The following DHX40 variants were observed in gnomAD, a reference collection of about 807,000 sequenced individuals.
DHX40 encodes DEAH-box helicase 40.
DHX40 carries 28 observed loss-of-function variants against 89.6 expected under a neutral mutation model. The ratio of observed to expected loss-of-function variants is 0.31; its 90% CI spans 0.23 to 0.43. The LOEUF (loss-of-function observed/expected upper bound fraction) is 0.43, where lower values mean the gene tolerates loss of function less well. Among genes scored for constraint, DHX40 ranks in the 20% least tolerant of loss-of-function variants. The pLI, the probability that DHX40 is intolerant of heterozygous loss-of-function variation, is 1.00. For missense variants in DHX40, 457 were observed against 844.0 expected, an observed-to-expected ratio of 0.54 and a Z score of 5.68; for synonymous variants, 226 against 283.6, an observed-to-expected ratio of 0.80 and a Z score of 2.04.
rs751747695 is a variant in DHX40 at position 59,607,105 on chromosome 17, C to T, written c.2273C>T (p.Ala758Val). The change falls in exon 18 of 18, where the codon GCT becomes GTT. Residue 758 changes from alanine (A) to valine (V), a missense_variant. Physicochemically the swap from Ala to Val is moderately conservative, Grantham distance 64. This residue lies in a region of DHX40 where 120 missense variants were observed against 161.7 expected (regional missense o/e 0.74). Transcript: ENST00000251241. ...NDDKSISDAR[A>V]RFLERKQQRT... The stretch of plus-strand genomic sequence containing the variant: ...GACAAATCCATATCTGATGCACGGG[C>T]TCGTTTCCTTGAGAGAAAGCAGCAG... The T allele has an allele frequency of 6.2e-7, 1 of 1,614,020 alleles. No homozygotes were observed. Among genetic ancestry groups the T allele is most frequent in the Admixed American group, 1.7e-5 (1 of 59,996 alleles).
intron 12 of DHX40, among the ~76,000 whole-genome samples, chr17:59,594,950 T>TTTGACTAG (rs2029928204): frequency 1.3e-5 from 2 of 152,118 alleles, no homozygotes; most frequent in Non-Finnish European, 2.9e-5. Context: ...CTTTGGTAAT[T>TTTGACTAG]TTGACTAGTT....
At chr17:59,569,985 G>T (rs1378738533) in intron 2 of DHX40, among the ~76,000 whole-genome samples, 1 of 140,378 alleles carries the variant, frequency 7.1e-6, no homozygotes, top group Non-Finnish European at 1.5e-5. Flanking sequence ...CAGAGGTTGC[G>T]GTGAGCCGAG....
At chr17:59,588,313 C>G (rs2049031250) in intron 12 of DHX40, among the ~76,000 whole-genome samples, 1 of 148,896 alleles carries the variant, frequency 6.7e-6, no homozygotes, top group Non-Finnish European at 1.5e-5. Context: ...GTAGGAAGTA[C>G]AGAGGGTTGA....
intron 11 of DHX40, among the ~76,000 whole-genome samples, chr17:59,586,939 A>G (rs4047814): frequency 3.8e-4 from 58 of 152,154 alleles, no homozygotes; most frequent in African/African-American, 6.5e-4. Flanking sequence ...AGATTGCTTG[A>G]GCCCAGTTGT....
chr17:59,572,883 G>A (rs2048831170), intron 3 of DHX40, among the ~76,000 whole-genome samples: 1 of 152,088 alleles, frequency 6.6e-6, no homozygotes, highest in Non-Finnish European at 1.5e-5. Context: ...TTTCCTTATT[G>A]GTGATTTTTG....
At position 59,602,518 on chromosome 17, in the gene DHX40, A is replaced by G; in HGVS notation, c.1807-4A>G. ...TTACCACTCTCTACATATTCTTTTT[A>G]TAGCAAAGTGATTTCCCAAAAGAGA... On this transcript the variant is annotated splice_polypyrimidine_tract_variant and splice_region_variant and intron_variant, in intron 14 of 17. Coordinates refer to ENST00000251241, the MANE Select transcript of DHX40 (RefSeq NM_024612.5). The G allele has an allele frequency of 1.2e-6, 2 of 1,608,916 alleles. No homozygotes were observed. The highest frequency in any genetic ancestry group is 1.7e-6 in the Non-Finnish European group (2 of 1,176,506).
chr17:59,566,913 G>T, intron 2 of DHX40, 119 bp downstream of exon 2: 1 of 826,628 alleles, frequency 1.2e-6, no homozygotes, highest in Non-Finnish European at 1.8e-6. Flanking sequence ...CGCTTCTCTT[G>T]GCACACCCCC....
At chr17:59,577,845 A>G (rs973017407) in intron 8 of DHX40, among the ~76,000 whole-genome samples, 3 of 152,028 alleles carry the variant, frequency 2.0e-5, no homozygotes, top group African/African-American at 7.2e-5. Context: ...ATAGGAAGCC[A>G]AACCTATTTT....
intron 12 of DHX40, among the ~76,000 whole-genome samples, chr17:59,591,747 C>G: frequency 6.6e-6 from 1 of 151,414 alleles, no homozygotes; most frequent in Non-Finnish European, 1.5e-5. Context: ...TTTTCTTTTT[C>G]TGAATCATTT....
rs1187181618 is a variant in DHX40 at position 59,605,806 on chromosome 17, A to G, written c.2200+132A>G. The G allele has an allele frequency of 3.4e-6, 3 of 895,390 alleles. No individual in the cohort carries two copies. In the South Asian group the frequency reaches 4.3e-5, roughly 13 times the overall value. 55.5% of individuals were successfully genotyped at this position (895,390 alleles called of 1,614,324 possible). Reference sequence around the variant, plus strand: ...GTGAGATCCCATCTCTAGCAAAATAAAAATAAAAATTAGCCAGGCATGTTG... The same window carrying G: ...GTGAGATCCCATCTCTAGCAAAATAGAAATAAAAATTAGCCAGGCATGTTG... On this transcript the variant is annotated intron_variant, in intron 17 of 17. Coordinates refer to ENST00000251241, the MANE Select transcript of DHX40 (RefSeq NM_024612.5).
chr17:59,577,045 A>G (rs1255201902), intron 7 of DHX40: 3 of 537,790 alleles, frequency 5.6e-6, no homozygotes, highest in Non-Finnish European at 1.0e-5. Context: ...AATTTTTTGT[A>G]TTTTTCTTAG....
intron 7 of DHX40, among the ~76,000 whole-genome samples, chr17:59,576,795 A>G (rs879626228): frequency 2.6e-5 from 4 of 151,950 alleles, no homozygotes; most frequent in African/African-American, 4.8e-5. Context: ...ATATTATTCT[A>G]TACAGAGTAA....
intron 2 of DHX40, among the ~76,000 whole-genome samples, chr17:59,568,825 A>T (rs1172218992): frequency 6.9e-6 from 1 of 144,686 alleles, no homozygotes; most frequent in Non-Finnish European, 1.5e-5. Flanking sequence ...TTAAAATGGT[A>T]TATGGAAGGT....
Position 59,605,183 on chromosome 17 carries a change from CAGTA to C in DHX40, c.1971+4_1971+7del. The C allele has an allele frequency of 6.2e-7, 1 of 1,613,792 alleles. No individual in the cohort carries two copies. Among genetic ancestry groups the C allele is most frequent in the Non-Finnish European group, 8.5e-7 (1 of 1,179,758 alleles). On this transcript the variant is annotated splice_donor_variant and splice_donor_region_variant and coding_sequence_variant and intron_variant, in exon 16 of 18. Transcript: ENST00000251241. LOFTEE classifies it high-confidence loss of function. ...CCAGTTCACATTCATCCTTCCTCAG[CAGTA>C]AGTACTTCATTTTTAATAAAGGGAA...
chr17:59,566,786 A>G lies in DHX40; in HGVS notation c.272A>G (p.Tyr91Cys). 1.3e-6 allele frequency: 2 copies of G among 1,570,554 alleles called. No homozygotes were observed. Among genetic ancestry groups the G allele is most frequent in the Middle Eastern group, 1.7e-4 (1 of 5,862 alleles). The change falls in exon 2 of 18, where the codon TAT becomes TGT. Residue 91 changes from tyrosine (Y) to cysteine (C), a missense_variant. By Grantham distance (194) the Tyr-to-Cys change is radical. Coordinates refer to ENST00000251241, the MANE Select transcript of DHX40 (RefSeq NM_024612.5). ...GKTTQLPKYLYEAGFSQHGMI... is the reference protein window; with the variant it reads ...GKTTQLPKYLCEAGFSQHGMI... ...ACAACTCAACTCCCAAAATATCTAT[A>G]TGAAGCAGGTGATTTTTTTCTGTTG... is the stretch of plus-strand genomic sequence containing the variant.
intron 17 of DHX40, among the ~76,000 whole-genome samples, chr17:59,606,090 A>G (rs141784083): frequency 6.6e-6 from 1 of 151,656 alleles, no homozygotes; most frequent in Non-Finnish European, 1.5e-5. Context: ...CTTATTGCCC[A>G]GGCTGGAGTG....
intron 12 of DHX40, among the ~76,000 whole-genome samples, chr17:59,596,541 C>T (rs2030089793): frequency 6.6e-6 from 1 of 152,148 alleles, no homozygotes; most frequent in African/African-American, 2.4e-5. Context: ...GCACTCCAGC[C>T]TGGGCAGCAG....
chr17:59,567,342 A>G (rs1216008698), intron 2 of DHX40, among the ~76,000 whole-genome samples: 1 of 152,240 alleles, frequency 6.6e-6, no homozygotes, highest in Non-Finnish European at 1.5e-5. Flanking sequence ...GTTCCACGCC[A>G]CCAAGTCTAG....
chr17:59,586,477 A>G (rs561203765), intron 11 of DHX40, among the ~76,000 whole-genome samples: 80 of 151,974 alleles, frequency 5.3e-4, no homozygotes, highest in African/African-American at 1.8e-3. Flanking sequence ...CCTGGCTAAC[A>G]TGGTGAAGCC....
Sources: gnomAD v4.1 joint callset for allele counts (sites outside exome capture counted in the v4.1 genomes callset) on GRCh38, gnomAD v4.1.1 for gene constraint, gnomAD v4.1.1 regional missense constraint, MANE v1.5 for transcripts, NCBI Gene and HGNC (gene_info 2026-07-23, HGNC 2026-07-21) for gene names.